Variants in RGS3 observed in about 807,000 individuals in gnomAD.
RGS3 encodes the protein regulator of G-protein signalling 3.
Under a neutral mutation model 132.6 loss-of-function variants are expected in RGS3, and 80 were observed. The observed-to-expected ratio is 0.60, with a 90% CI of 0.50 to 0.73. RGS3 has a LOEUF of 0.73. Ranked by LOEUF, RGS3 falls within the 30% of genes least tolerant of loss-of-function variation. The pLI is 0.00. For missense variants in RGS3, 1,382 were observed against 1,530.8 expected, an observed-to-expected ratio of 0.90 and a Z score of 1.62; for synonymous variants, 598 against 620.6, an observed-to-expected ratio of 0.96 and a Z score of 0.54.
chr9:113,595,012 C>G (rs1835687701), intron 23 of RGS3, 32 bp downstream of exon 21: 1 of 1,595,340 alleles, frequency 6.3e-7, no homozygotes, highest in African/African-American at 1.3e-5. Context: ...ACTCCCTGTG[C>G]CCTCTCTCCC....
intron 19 of RGS3, among the ~76,000 whole-genome samples, chr9:113,538,757 G>C (rs1359425055): frequency 6.6e-6 from 1 of 152,166 alleles, no homozygotes; most frequent in Non-Finnish European, 1.5e-5. Context: ...CTCTTCAAAC[G>C]CGTGTTCCAT....
At chr9:113,469,285 G>A (rs989304426) in intron 3 of RGS3, among the ~76,000 whole-genome samples, 4 of 152,098 alleles carry the variant, frequency 2.6e-5, no homozygotes, top group African/African-American at 7.2e-5. Flanking sequence ...TGGCTGGCAC[G>A]TGTTTCCAGT....
rs139147238 is a variant in RGS3, at chr9:113,476,989, G to A, written c.416-2502G>A. 3.1e-3 allele frequency among the ~76,000 whole-genome samples: 471 copies of A among 152,254 alleles called. 1 individual carries two copies. Among genetic ancestry groups the A allele is most frequent in the Non-Finnish European group, 4.8e-3 (327 of 68,008 alleles). The stretch of plus-strand genomic sequence containing the variant: ...TAAACATAGGTGTCTTTGAGTTGGT[G>A]AAATTCAACCCATGACTGCGGGCTT... On this transcript the variant is annotated intron_variant, in intron 3 of 24. Coordinates refer to ENST00000350696, the Ensembl canonical transcript of RGS3.
chr9:113,447,373 A>C (rs1414871000), intron 1 of RGS3, among the ~76,000 whole-genome samples: 3 of 123,752 alleles, frequency 2.4e-5, no homozygotes, highest in African/African-American at 8.6e-5. Flanking sequence ...GCAAGGGTTG[A>C]AGATAAATAA....
chr9:113,520,246 G>A (rs1801129331), intron 16 of RGS3, among the ~76,000 whole-genome samples: 2 of 152,238 alleles, frequency 1.3e-5, no homozygotes, highest in South Asian at 4.1e-4. Context: ...TCTCCCATGG[G>A]CTGCCGTGGC....
Position 113,507,789 on chromosome 9 carries a change from C to A in RGS3, c.1437+151C>A. 1.7e-6 allele frequency: 1 copy of A among 603,496 alleles called. No individual in the cohort carries two copies. The highest frequency in any genetic ancestry group is 3.0e-5 in the East Asian group (1 of 33,548). 37.4% of individuals were successfully genotyped at this position (603,496 alleles called of 1,614,324 possible). A position where few individuals can be genotyped will look rare whatever the true frequency, so the allele number is the denominator to read the frequency against. On this transcript the variant is annotated intron_variant, in intron 13 of 24. Transcript: ENST00000350696. The surrounding 1 kb of genome is among the most constrained non-coding windows in gnomAD (Gnocchi z 5.0). ...GGGTATGTGCTAGCTCTGCCTTCTG[C>A]AAGGCTGTTCTTGGTAGGGAGGACA... is the stretch of plus-strand genomic sequence containing the variant.
chr9:113,466,251 C>T (rs190147594), intron 3 of RGS3, among the ~76,000 whole-genome samples: 1 of 152,186 alleles, frequency 6.6e-6, no homozygotes, highest in African/African-American at 2.4e-5. Context: ...AGTTCACTGG[C>T]CTTTCCTTAG....
At chr9:113,505,901 A>G (rs941681545) in intron 11 of RGS3, among the ~76,000 whole-genome samples, 1 of 152,194 alleles carries the variant, frequency 6.6e-6, no homozygotes, top group Non-Finnish European at 1.5e-5. Context: ...ATCCTTCCCT[A>G]CTTTTCACAA....
chr9:113,493,893 A>G (rs1588158031), intron 7 of RGS3, among the ~76,000 whole-genome samples: 1 of 152,164 alleles, frequency 6.6e-6, no homozygotes, highest in Admixed American at 6.5e-5. Flanking sequence ...TTTGGAAAAC[A>G]CATCTCTAGG....
At chr9:113,528,202 C>T (rs994392995) in intron 17 of RGS3, among the ~76,000 whole-genome samples, 2 of 152,160 alleles carry the variant, frequency 1.3e-5, no homozygotes, top group Non-Finnish European at 2.9e-5. Flanking sequence ...TTACGTGCTG[C>T]GTGGTTGCTT....
chr9:113,542,581 C>T (rs1396523002), intron 19 of RGS3, among the ~76,000 whole-genome samples: 2 of 152,180 alleles, frequency 1.3e-5, no homozygotes, highest in African/African-American at 2.4e-5. Context: ...CCCCATCCCC[C>T]TGCCTACCCT....
intron 19 of RGS3, among the ~76,000 whole-genome samples, chr9:113,568,089 A>C (rs553918437): frequency 6.6e-6 from 1 of 152,190 alleles, no homozygotes; most frequent in Non-Finnish European, 1.5e-5. Flanking sequence ...CAAACTATAG[A>C]TAGATAGATA....
chr9:113,449,189 G>A (rs1244972324), intron 1 of RGS3, among the ~76,000 whole-genome samples: 2 of 152,146 alleles, frequency 1.3e-5, no homozygotes, highest in African/African-American at 4.8e-5. Context: ...CAGTTAGGAG[G>A]CTATCATAGA....
intron 17 of RGS3, among the ~76,000 whole-genome samples, chr9:113,527,137 G>A (rs7046427): frequency 0.12 from 18,159 of 152,258 alleles, 1,305 homozygotes; most frequent in African/African-American, 0.19. Flanking sequence ...TGGGGAAGGA[G>A]GCAAGGGTGT....
chr9:113,594,545 GGCAC>G lies in RGS3; in HGVS notation c.3182+15_3182+18del. The G allele has an allele frequency of 6.2e-7, 1 of 1,607,564 alleles. No individual in the cohort carries two copies. The highest frequency in any genetic ancestry group is 8.5e-7 in the Non-Finnish European group (1 of 1,175,072). ...GAAGTCATTCAAGTAGGTCCTCCCT[GGCAC>G]CCTGGGACCCTTTGGGGAACTCACT... On this transcript the variant is annotated intron_variant, in intron 22 of 24. Coordinates refer to ENST00000350696, the Ensembl canonical transcript of RGS3.
chr9:113,594,936 C>T lies in RGS3; in HGVS notation c.3200C>T (p.Ala1067Val), dbSNP rs778725884. The T allele has an allele frequency of 6.2e-6, 10 of 1,614,072 alleles. No individual in the cohort carries two copies. Among genetic ancestry groups the T allele is most frequent in the Non-Finnish European group, 8.5e-6 (10 of 1,179,938 alleles). Reference sequence around the variant, plus strand: ...CCCCTCAGGCCCACCTCAGAGGAAGCCCTCAAGTGGGGCGAGTCCTTGGAG... The same window carrying T: ...CCCCTCAGGCCCACCTCAGAGGAAGTCCTCAAGTGGGGCGAGTCCTTGGAG... Residue 1067 changes from alanine to valine, a missense_variant, in exon 23 of 25, where the codon GCC (alanine) becomes GTC (valine). Ala to Val is a moderately conservative substitution (Grantham distance 64, BLOSUM62 0). Transcript: ENST00000350696.
rs576455158 is a variant in RGS3 at position 113,536,578 on chromosome 9, G to A, written c.1915-218G>A. 71 of 1,367,808 alleles carry A rather than the reference G, an allele frequency of 5.2e-5. 1 individual carries two copies. The East Asian group carries it at 1.7e-3, about 33-fold the overall frequency. 84.7% of individuals were successfully genotyped at this position (1,367,808 alleles called of 1,614,324 possible). A position where few individuals can be genotyped will look rare whatever the true frequency, so the allele number is the denominator to read the frequency against. ...GCCTTCCTCCCCTCCCCCAACCTGTGGGCCCACAGCTCGCCAGCTGGCCCT... is the reference window on the plus strand; with the variant it reads ...GCCTTCCTCCCCTCCCCCAACCTGTAGGCCCACAGCTCGCCAGCTGGCCCT... On this transcript the variant is annotated intron_variant, in intron 18 of 24. Coordinates refer to ENST00000350696, the Ensembl canonical transcript of RGS3.
intron 19 of RGS3, chr9:113,541,962 C>G (rs1326840643): frequency 1.0e-5 from 7 of 702,158 alleles, no homozygotes; most frequent in African/African-American, 1.9e-5. Context: ...TGGTCTCGCT[C>G]TCATCAAGAT....
At chr9:113,460,849 T>G (rs1208913948) in intron 1 of RGS3, among the ~76,000 whole-genome samples, 2 of 152,234 alleles carry the variant, frequency 1.3e-5, no homozygotes, top group Non-Finnish European at 2.9e-5. Flanking sequence ...TAGTCCCTTC[T>G]TTTCAAACTC....
Sources: gnomAD v4.1 joint callset for allele counts (sites outside exome capture counted in the v4.1 genomes callset) on GRCh38, gnomAD v4.1.1 for gene constraint, Gnocchi (gnomAD v3.1) non-coding constraint, MANE v1.5 for transcripts, NCBI Gene and HGNC (gene_info 2026-07-23, HGNC 2026-07-21) for gene names.